The following ARHGAP32 variants were observed in gnomAD, a reference collection of about 807,000 sequenced individuals.
ARHGAP32 encodes rho GTPase-activating protein 32.
A neutral mutation model predicts 186.5 loss-of-function variants in ARHGAP32; 51 were observed. The observed-to-expected ratio is 0.27, with a 90% confidence interval of 0.22 to 0.35. The LOEUF is 0.35. Among genes scored for constraint, ARHGAP32 ranks in the 10% least tolerant of loss-of-function variants. The pLI is 1.00. For synonymous variants in ARHGAP32, 950 were observed against 964.3 expected, an observed-to-expected ratio of 0.99 and a Z score of 0.27; for missense variants, 2,186 against 2,623.5, an observed-to-expected ratio of 0.83 and a Z score of 3.64.
At chr11:129,159,794 C>T (rs11221582) in intron 2 of ARHGAP32, among the ~76,000 whole-genome samples, 1 of 152,118 alleles carries the variant, frequency 6.6e-6, no homozygotes, top group African/African-American at 2.4e-5. Context: ...GCCAATATCC[C>T]TGATGAACAT....
chr11:129,178,524 A>C (rs529603704), intron 1 of ARHGAP32, among the ~76,000 whole-genome samples: 3 of 152,134 alleles, frequency 2.0e-5, no homozygotes, highest in Non-Finnish European at 2.9e-5. Flanking sequence ...GAGACATCAC[A>C]CTACCTGACT....
chr11:129,146,026 C>T (rs1186619472), intron 2 of ARHGAP32, among the ~76,000 whole-genome samples: 1 of 152,008 alleles, frequency 6.6e-6, no homozygotes, highest in Non-Finnish European at 1.5e-5. Context: ...GTTCACAAAG[C>T]AACATAACAT....
intron 6 of ARHGAP32, among the ~76,000 whole-genome samples, chr11:129,067,552 T>G (rs1172668458): frequency 6.6e-6 from 1 of 152,088 alleles, no homozygotes; most frequent in Non-Finnish European, 1.5e-5. Flanking sequence ...ATTGCTAATG[T>G]GCCTTGCCTT....
At chr11:129,199,446 C>T (rs1944432851) in intron 1 of ARHGAP32, among the ~76,000 whole-genome samples, 1 of 152,252 alleles carries the variant, frequency 6.6e-6, no homozygotes, top group African/African-American at 2.4e-5. Context: ...GACTTGGTGC[C>T]CTGTGCCCCA....
At chr11:129,258,401 G>C (rs185863708) in intron 1 of ARHGAP32, among the ~76,000 whole-genome samples, 2 of 152,238 alleles carry the variant, frequency 1.3e-5, no homozygotes, top group Admixed American at 1.3e-4. Flanking sequence ...ATTCCTTCTC[G>C]TTTCCTTTAG....
At chr11:129,068,426 T>TC (rs773008787) in intron 6 of ARHGAP32, among the ~76,000 whole-genome samples, 4 of 152,110 alleles carry the variant, frequency 2.6e-5, no homozygotes, top group Non-Finnish European at 5.9e-5. Context: ...CACTACCTTC[T>TC]ACCCAAAGCA....
intron 1 of ARHGAP32, among the ~76,000 whole-genome samples, chr11:129,216,669 TAA>T (rs201308944): frequency 0.06 from 7,144 of 119,024 alleles, 277 homozygotes; most frequent in Middle Eastern, 0.13. Context: ...AGACTGTCTT[TAA>T]AAAAAAAAAA....
At chr11:129,243,909 C>G (rs916945119) in intron 1 of ARHGAP32, among the ~76,000 whole-genome samples, 2 of 152,168 alleles carry the variant, frequency 1.3e-5, no homozygotes, top group Non-Finnish European at 2.9e-5. Context: ...ATATTGTGAT[C>G]TGGAATTAAA....
intron 2 of ARHGAP32, among the ~76,000 whole-genome samples, chr11:129,151,161 C>T (rs1220477493): frequency 2.0e-5 from 3 of 152,014 alleles, no homozygotes; most frequent in Non-Finnish European, 4.4e-5. Context: ...ATAAAAGGAT[C>T]AATCTAACAA....
chr11:129,135,314 T>A (rs1942911411), intron 2 of ARHGAP32, among the ~76,000 whole-genome samples: 1 of 152,236 alleles, frequency 6.6e-6, no homozygotes, highest in Non-Finnish European at 1.5e-5. Context: ...GTATCTGGTC[T>A]AAGTCTAGAA....
chr11:129,137,453 A>G (rs893287523), intron 2 of ARHGAP32, among the ~76,000 whole-genome samples: 1 of 152,024 alleles, frequency 6.6e-6, no homozygotes, highest in Non-Finnish European at 1.5e-5. Flanking sequence ...GAACTTAATT[A>G]TAAGTTGGTA....
At chr11:129,077,529 C>A (rs1462989085) in intron 6 of ARHGAP32, among the ~76,000 whole-genome samples, 1 of 152,088 alleles carries the variant, frequency 6.6e-6, no homozygotes, top group Non-Finnish European at 1.5e-5. Flanking sequence ...TGCCAACTTT[C>A]CCCAACTTCC....
intron 10 of ARHGAP32, 141 bp downstream of exon 10, chr11:129,062,139 C>A: frequency 1.5e-6 from 1 of 663,484 alleles, no homozygotes; most frequent in Non-Finnish European, 2.7e-6. Context: ...AATCTATTAT[C>A]ATTACTATCT....
intron 6 of ARHGAP32, among the ~76,000 whole-genome samples, chr11:129,067,499 G>T (rs536892791): frequency 6.6e-6 from 1 of 151,936 alleles, no homozygotes; most frequent in East Asian, 1.9e-4. Flanking sequence ...CAGTCCTATA[G>T]CCCAAGCTTC....
At chr11:129,061,824 C>T (rs1940515023) in intron 10 of ARHGAP32, among the ~76,000 whole-genome samples, 1 of 152,182 alleles carries the variant, frequency 6.6e-6, no homozygotes, top group Non-Finnish European at 1.5e-5. Flanking sequence ...TAAGGGACTA[C>T]TGAATATAGA....
chr11:129,228,368 GA>G (rs1480577917), intron 1 of ARHGAP32, among the ~76,000 whole-genome samples: 2 of 152,038 alleles, frequency 1.3e-5, no homozygotes, highest in Non-Finnish European at 2.9e-5. Flanking sequence ...TATCAGAGCA[GA>G]AAGAAATGGA....
In ARHGAP32 at chr11:128,974,270, T is replaced by C. The variant is rs1262848702; in HGVS notation, c.2927A>G (p.Asn976Ser). 1 of 1,614,214 alleles carries C rather than the reference T, an allele frequency of 6.2e-7. No homozygotes were observed. The change falls in exon 21 of 23, where the codon AAT becomes AGT. Residue 976 changes from asparagine to serine, a missense_variant. Transcript: ENST00000682385. ...ATATGCTTCTTGGGCAACTGTCTCA[T>C]TTGTTTTCATCTTTACTATCTGGGT... ...SPTQIVKMKT[N>S]ETVAQEAYES...
At chr11:129,050,025 T>G (rs1368834046) in intron 10 of ARHGAP32, among the ~76,000 whole-genome samples, 1 of 152,206 alleles carries the variant, frequency 6.6e-6, no homozygotes, top group African/African-American at 2.4e-5. Flanking sequence ...ATTGGTTTCA[T>G]TAGACAGTAT....
At chr11:129,018,087 A>C (rs980221589) in intron 11 of ARHGAP32, among the ~76,000 whole-genome samples, 1 of 151,948 alleles carries the variant, frequency 6.6e-6, no homozygotes, top group Non-Finnish European at 1.5e-5. Flanking sequence ...CAAGTGCAGA[A>C]CGTGCAGAAG....
Sources: allele counts gnomAD v4.1 joint callset (sites outside exome capture counted in the v4.1 genomes callset), GRCh38; gene constraint gnomAD v4.1.1; transcripts MANE v1.5; gene names NCBI Gene and HGNC (gene_info 2026-07-23, HGNC 2026-07-21).